The following GGT1 variants were observed in gnomAD, a reference collection of about 807,000 sequenced individuals.
GGT1 encodes gamma-glutamyltransferase 1.
A neutral mutation model predicts 56.0 loss-of-function variants in GGT1; 21 were observed. The ratio of observed to expected loss-of-function variants is 0.38; its 90% CI spans 0.27 to 0.54. GGT1 has a LOEUF of 0.54. GGT1 is among the 20% of genes least tolerant of loss of function. GGT1 has a pLI of 0.82. For synonymous variants in GGT1, 238 were observed against 342.6 expected (o/e 0.69, Z 3.37); for missense variants, 466 against 787.0 (o/e 0.59, Z 4.88).
upstream of GGT1, among the ~76,000 whole-genome samples, chr22:24,600,007 A>G (rs919313907): frequency 6.6e-5 from 10 of 152,154 alleles, no homozygotes; most frequent in African/African-American, 1.4e-4. Flanking sequence ...TGGGGCATGG[A>G]CAGTCTTCCT....
intron 1 of GGT1, 179 bp from the exon 2 acceptor site, chr22:24,607,775 C>T (rs1180355910): frequency 6.8e-5 from 23 of 338,996 alleles, no homozygotes; most frequent in South Asian, 4.7e-4. Flanking sequence ...CCTTCCCTGC[C>T]TCTGCTCCTC....
In GGT1 at chr22:24,620,318, C is replaced by T. The variant is rs748336077; in HGVS notation, c.383-10C>T. 6 of 1,611,278 alleles carry T rather than the reference C, an allele frequency of 3.7e-6. No homozygotes were observed. Among genetic ancestry groups the T allele is most frequent in the Non-Finnish European group, 5.1e-6 (6 of 1,179,666 alleles). On this transcript the variant is annotated splice_polypyrimidine_tract_variant and intron_variant, in intron 7 of 15. Transcript: ENST00000400382. The surrounding 1 kb of genome is among the most constrained non-coding windows in gnomAD (Gnocchi z 5.6). ...ACTCAGGGTCACTAACTATGGCTCT[C>T]TCTCCCCAGGGGGGCTGTCGGTGGC...
chr22:24,607,138 G>A (rs2046370885), intron 1 of GGT1, among the ~76,000 whole-genome samples: 1 of 152,324 alleles, frequency 6.6e-6, no homozygotes, highest in Non-Finnish European at 1.5e-5. Context: ...CCCTCTCTGG[G>A]CCCTGCCTTT....
chr22:24,615,015 G>A (rs2046971867), intron 6 of GGT1, 26 bp from the exon 7 acceptor site: 2 of 969,932 alleles, frequency 2.1e-6, no homozygotes, highest in Non-Finnish European at 3.1e-6. Flanking sequence ...GGGTGGGCGG[G>A]CCTGCCTACC....
chr22:24,585,016 T>C, the GGT1 span, among the ~76,000 whole-genome samples: 1 of 151,984 alleles, frequency 6.6e-6, no homozygotes, highest in South Asian at 2.1e-4. Flanking sequence ...CTCCACCCGC[T>C]GCATGCTCTC....
At chr22:24,611,547 T>TATCTATCTATCTATC (rs1569054941) in intron 5 of GGT1, among the ~76,000 whole-genome samples, 3 of 21,130 alleles carry the variant, frequency 1.4e-4, no homozygotes, top group African/African-American at 3.1e-4. Flanking sequence ...ATCTATCATC[T>TATCTATCTATCTATC]ATCTATCTAT....
chr22:24,584,655 C>T, the GGT1 span, among the ~76,000 whole-genome samples: 1 of 152,026 alleles, frequency 6.6e-6, no homozygotes, highest in Non-Finnish European at 1.5e-5. Context: ...CCCAGGAGGA[C>T]CCCTGCCTCC....
At chr22:24,608,345 C>G (rs1569052235) in intron 2 of GGT1, among the ~76,000 whole-genome samples, 1 of 152,230 alleles carries the variant, frequency 6.6e-6, no homozygotes, top group Non-Finnish European at 1.5e-5. Flanking sequence ...CTGTTCTTCC[C>G]AGCAGTCTGA....
the GGT1 span, among the ~76,000 whole-genome samples, chr22:24,586,806 C>T: frequency 1.3e-5 from 2 of 152,252 alleles, no homozygotes; most frequent in Non-Finnish European, 1.5e-5. Context: ...GCTGGGATTA[C>T]AGGCGTGAGC....
Position 24,620,205 on chromosome 22 carries a change from C to G in GGT1, c.383-123C>G. 8.3e-7 allele frequency: 1 copy of G among 1,206,956 alleles called. No individual in the cohort carries two copies. The allele number at this position is 1,206,956 out of a possible 1,614,324, so 74.8% of individuals were successfully genotyped here. A position where few individuals can be genotyped will look rare whatever the true frequency, so the allele number is the denominator to read the frequency against. On this transcript the variant is annotated intron_variant, in intron 7 of 15. Transcript: ENST00000400382. This position sits in a 1 kb window ranked among gnomAD's most constrained non-coding sequence, Gnocchi z 5.6. The stretch of plus-strand genomic sequence containing the variant: ...AACTCAAAAAAGAAAAAAAAAAAAT[C>G]TTTCCTCCTAAGCCTCATTGCCCCA...
intron 2 of GGT1, among the ~76,000 whole-genome samples, chr22:24,608,262 G>A (rs369947443): frequency 6.6e-6 from 1 of 152,206 alleles, no homozygotes; most frequent in Non-Finnish European, 1.5e-5. Context: ...GCCTGTGGGA[G>A]GCTGGGCCCA....
chr22:24,628,131 G>A lies in GGT1; in HGVS notation c.1387G>A (p.Gly463Ser), dbSNP rs1431140709. ...CCCGACGATCATGGTGGGCCAGGAC[G>A]GCCAGGTCCGGATGGTGGTGGGAGC... ...MCPTIMVGQD[G>S]QVRMVVGAAG... The change falls in exon 14 of 16, where the codon GGC becomes AGC. Residue 463 changes from glycine (G) to serine (S), a missense_variant. Around this residue, in one of 2 missense-constraint regions of GGT1, gnomAD observed 456 missense variants for 716.7 expected, o/e 0.64. Coordinates refer to ENST00000400382, the MANE Select transcript of GGT1 (RefSeq NM_001288833.2). This position sits in a 1 kb window ranked among gnomAD's most constrained non-coding sequence, Gnocchi z 5.7. 1.1e-5 allele frequency: 17 copies of A among 1,611,836 alleles called. No homozygotes were observed. The highest frequency in any genetic ancestry group is 5.3e-5 in the African/African-American group (4 of 74,820).
intron 1 of GGT1, among the ~76,000 whole-genome samples, chr22:24,596,095 G>T (rs898941397): frequency 6.6e-6 from 1 of 152,208 alleles, no homozygotes; most frequent in Non-Finnish European, 1.5e-5. Flanking sequence ...GAATTGTCAT[G>T]AGGCTGTAGT....
At chr22:24,624,161 C>T (rs2047602017) in intron 11 of GGT1, 1 of 985,274 alleles carries the variant, frequency 1.0e-6, no homozygotes, top group Non-Finnish European at 1.2e-6. Context: ...TTTGCACATG[C>T]TGTGGTTCTC....
chr22:24,625,231 T>C (rs377305804), intron 11 of GGT1, among the ~76,000 whole-genome samples: 20 of 152,324 alleles, frequency 1.3e-4, no homozygotes, highest in African/African-American at 4.3e-4. Flanking sequence ...ACACAACCTG[T>C]TGTCCCTTCT....
intron 5 of GGT1, 28 bp downstream of exon 5, chr22:24,611,273 G>A (rs1450153203): frequency 1.1e-5 from 16 of 1,436,930 alleles, no homozygotes; most frequent in Non-Finnish European, 1.4e-5. Context: ...TGGGACATGG[G>A]CCCTGAAAAC....
the GGT1 span, chr22:24,586,235 A>G: frequency 6.2e-7 from 1 of 1,613,768 alleles, no homozygotes; most frequent in Non-Finnish European, 8.5e-7. Flanking sequence ...GCTGGGCAGC[A>G]GGAGGTGCAG....
intron 5 of GGT1, among the ~76,000 whole-genome samples, chr22:24,611,773 T>TTGTGTG (rs57600451): frequency 0.046 from 6,004 of 130,916 alleles, 152 homozygotes; most frequent in Middle Eastern, 0.11. Flanking sequence ...CCCAACAAAT[T>TTGTGTG]TGTGTGTGTG....
At chr22:24,593,723 G>T (rs1412484026), upstream of GGT1, among the ~76,000 whole-genome samples, 1 of 151,698 alleles carries the variant, frequency 6.6e-6, no homozygotes, top group African/African-American at 2.4e-5. Flanking sequence ...GGAGGCGGAG[G>T]TTACAGTGAG....
Sources: allele counts gnomAD v4.1 joint callset (sites outside exome capture counted in the v4.1 genomes callset), GRCh38; gene constraint gnomAD v4.1.1; regional missense constraint gnomAD v4.1.1; non-coding constraint Gnocchi (gnomAD v3.1); transcripts MANE v1.5; gene names NCBI Gene and HGNC (gene_info 2026-07-23, HGNC 2026-07-21).